The following PDE10A variants were observed in gnomAD, a reference collection of about 807,000 sequenced individuals.
The protein encoded by PDE10A is cAMP and cAMP-inhibited cGMP 3',5'-cyclic phosphodiesterase 10A.
PDE10A carries 39 observed loss-of-function variants against 97.7 expected under a neutral mutation model. That is an observed-to-expected ratio of 0.40 (90% CI 0.31 to 0.52). PDE10A has a LOEUF of 0.52. Ranked by LOEUF, PDE10A falls within the 20% of genes least tolerant of loss-of-function variation. The pLI is 0.56. For missense variants in PDE10A, 731 were observed against 1,047.8 expected (o/e 0.70, Z 4.17); for synonymous variants, 371 against 376.8 (o/e 0.98, Z 0.18).
chr6:165,786,613 T>G (rs1310887203), intron 1 of PDE10A, among the ~76,000 whole-genome samples: 2 of 152,222 alleles, frequency 1.3e-5, no homozygotes, highest in Non-Finnish European at 2.9e-5. Context: ...TGTTTTGCAT[T>G]AATGAGGCTG....
At chr6:165,421,454 CAT>C (rs147527659) in intron 10 of PDE10A, among the ~76,000 whole-genome samples, 10,822 of 152,072 alleles carry the variant, frequency 0.071, 465 homozygotes, top group Middle Eastern at 0.16. Flanking sequence ...AAAACAAAAA[CAT>C]GTGATGCCAT....
At chr6:165,817,015 T>C (rs1302605865) in intron 1 of PDE10A, among the ~76,000 whole-genome samples, 1 of 152,038 alleles carries the variant, frequency 6.6e-6, no homozygotes, top group Non-Finnish European at 1.5e-5. Context: ...CACCCAGTGT[T>C]AGGGGGAAGA....
intron 1 of PDE10A, among the ~76,000 whole-genome samples, chr6:165,958,716 G>GAAAGAAAGAAAGAAA (rs773983543): frequency 1.7e-5 from 1 of 58,768 alleles, no homozygotes; most frequent in Non-Finnish European, 3.1e-5. Context: ...AAGAAAGAGA[G>GAAAGAAAGAAAGAAA]AAGAAAGAAA....
At chr6:165,526,106 CT>C (rs1373239005) in intron 2 of PDE10A, among the ~76,000 whole-genome samples, 1 of 152,154 alleles carries the variant, frequency 6.6e-6, no homozygotes, top group African/African-American at 2.4e-5. Context: ...TTCTCTCATC[CT>C]TCCCCAAGGA....
chr6:165,684,955 A>G (rs1791074831), intron 1 of PDE10A, among the ~76,000 whole-genome samples: 1 of 152,238 alleles, frequency 6.6e-6, no homozygotes, highest in Non-Finnish European at 1.5e-5. Context: ...TTAAAGTTAT[A>G]TGAATGGCCA....
chr6:165,846,450 C>A (rs926068720), intron 1 of PDE10A, among the ~76,000 whole-genome samples: 1 of 152,198 alleles, frequency 6.6e-6, no homozygotes, highest in African/African-American at 2.4e-5. Context: ...CATGGGCTAC[C>A]GCACCACCCT....
chr6:165,410,645 AG>A (rs1167991190), intron 13 of PDE10A, among the ~76,000 whole-genome samples: 2 of 152,124 alleles, frequency 1.3e-5, no homozygotes, highest in Non-Finnish European at 2.9e-5. Context: ...ACCTGCAGAC[AG>A]GACCTTTCAA....
intron 2 of PDE10A, among the ~76,000 whole-genome samples, chr6:165,518,202 TTAAA>T (rs1472671586): frequency 6.6e-6 from 1 of 152,172 alleles, no homozygotes; most frequent in Non-Finnish European, 1.5e-5. Context: ...ATTAAGGACA[TTAAA>T]TAGAGGGCAC....
intron 1 of PDE10A, among the ~76,000 whole-genome samples, chr6:165,979,241 G>A (rs1784937532): frequency 6.6e-6 from 1 of 152,278 alleles, no homozygotes; most frequent in East Asian, 1.9e-4. Context: ...GACTTGTGTG[G>A]GCTGAACTCC....
intron 18 of PDE10A, among the ~76,000 whole-genome samples, chr6:165,346,313 G>C (rs1198505362): frequency 6.6e-6 from 1 of 152,158 alleles, no homozygotes; most frequent in Non-Finnish European, 1.5e-5. Flanking sequence ...GGGACAGGGG[G>C]AGTAGGAGGA....
chr6:165,386,441 T>C (rs901574603), intron 17 of PDE10A, among the ~76,000 whole-genome samples: 1 of 152,240 alleles, frequency 6.6e-6, no homozygotes, highest in Non-Finnish European at 1.5e-5. Flanking sequence ...AGCAATGTTG[T>C]ACTGTCAAAT....
intron 1 of PDE10A, among the ~76,000 whole-genome samples, chr6:165,865,929 C>CTCAAATATCT (rs1262254223): frequency 6.6e-6 from 1 of 151,968 alleles, no homozygotes; most frequent in Non-Finnish European, 1.5e-5. Flanking sequence ...ATACAGGAAC[C>CTCAAATATCT]TCAAATATCT....
intron 18 of PDE10A, among the ~76,000 whole-genome samples, chr6:165,360,790 G>T (rs1192432475): frequency 6.6e-6 from 1 of 152,184 alleles, no homozygotes; most frequent in African/African-American, 2.4e-5. Context: ...ACCAGCTGAT[G>T]GCTGTTGGAA....
intron 1 of PDE10A, among the ~76,000 whole-genome samples, chr6:165,686,130 G>GACACACACACACACACAC (rs57547290): frequency 4.8e-5 from 7 of 145,316 alleles, no homozygotes; most frequent in African/African-American, 1.8e-4. Flanking sequence ...AATGTGCATG[G>GACACACACACACACACAC]ACACACACAC....
chr6:165,801,950 C>G (rs1391831512), intron 1 of PDE10A, among the ~76,000 whole-genome samples: 1 of 152,146 alleles, frequency 6.6e-6, no homozygotes, highest in Non-Finnish European at 1.5e-5. Context: ...GATGGGCACA[C>G]AGACAACAGG....
At chr6:165,520,832 A>G (rs1313129271) in intron 2 of PDE10A, among the ~76,000 whole-genome samples, 2 of 152,146 alleles carry the variant, frequency 1.3e-5, no homozygotes, top group African/African-American at 4.8e-5. Context: ...GGACAATTAC[A>G]TCCCCAGAAA....
intron 1 of PDE10A, among the ~76,000 whole-genome samples, chr6:165,845,853 C>T (rs1010366202): frequency 2.0e-5 from 3 of 152,132 alleles, no homozygotes; most frequent in African/African-American, 7.2e-5. Flanking sequence ...GATTGTAAAT[C>T]TGACCGATGC....
At chr6:165,599,908 C>G (rs574395875) in intron 1 of PDE10A, among the ~76,000 whole-genome samples, 1 of 152,196 alleles carries the variant, frequency 6.6e-6, no homozygotes, top group East Asian at 1.9e-4. Context: ...TTCTTTCTAC[C>G]CGGAGGCAAA....
intron 18 of PDE10A, among the ~76,000 whole-genome samples, chr6:165,343,824 G>A (rs1468437739): frequency 6.6e-6 from 1 of 152,188 alleles, no homozygotes; most frequent in Non-Finnish European, 1.5e-5. Flanking sequence ...TATGGCTATG[G>A]ATCAGGCTTT....
Sources: gnomAD v4.1 joint callset for allele counts (sites outside exome capture counted in the v4.1 genomes callset) on GRCh38, gnomAD v4.1.1 for gene constraint, MANE v1.5 for transcripts, NCBI Gene and HGNC (gene_info 2026-07-23, HGNC 2026-07-21) for gene names.